KANK1: variants seen among roughly 807,000 people sequenced by gnomAD.
The protein encoded by KANK1 is KN motif and ankyrin repeat domains 1, also known as KN motif and ankyrin repeat domain-containing protein 1.
KANK1 carries 109 observed loss-of-function variants against 106.2 expected under a neutral mutation model. The observed-to-expected ratio is 1.03, with a 90% CI of 0.88 to 1.20. KANK1 has a LOEUF of 1.20. Ranked by LOEUF, KANK1 falls within the 50% of genes most tolerant of loss-of-function variation. The probability of loss-of-function intolerance (pLI) is 0.00; values close to 1 mark genes in which losing one functional copy is unlikely to be tolerated. For missense variants in KANK1, 2,399 were observed against 1,710.7 expected, an observed-to-expected ratio of 1.40 and a Z score of -7.10; for synonymous variants, 873 against 652.2, an observed-to-expected ratio of 1.34 and a Z score of -5.16.
chr9:562,367 T>G (rs982461053), intron 1 of KANK1, among the ~76,000 whole-genome samples: 1 of 152,164 alleles, frequency 6.6e-6, no homozygotes, highest in African/African-American at 2.4e-5. Context: ...AAATTGCATT[T>G]TCTACACCCT....
Position 734,842 on chromosome 9 carries a change from C to T in KANK1, c.3333+7C>T. On this transcript the variant is annotated splice_region_variant and intron_variant, in intron 7 of 11. Transcript: ENST00000382297. ...TTTGACCAGCAAAGATATGGTGAGT[C>T]TGACCTGCAAACACCATCCCCAGTG... 1 of 1,604,170 alleles carries T rather than the reference C, an allele frequency of 6.2e-7. No homozygotes were observed. The highest frequency in any genetic ancestry group is 1.1e-5 in the South Asian group (1 of 90,828).
intron 7 of KANK1, among the ~76,000 whole-genome samples, chr9:735,216 A>G (rs936207791): frequency 6.6e-6 from 1 of 152,130 alleles, no homozygotes; most frequent in Non-Finnish European, 1.5e-5. Flanking sequence ...AAGTTAGCAT[A>G]TGTTTTTAAA....
intron 1 of KANK1, among the ~76,000 whole-genome samples, chr9:623,964 T>TA (rs139514059): frequency 0.049 from 7,533 of 152,182 alleles, 199 homozygotes; most frequent in African/African-American, 0.059. Context: ...ATAGCAAAGA[T>TA]ATGGAAACAA....
At chr9:641,804 T>A (rs1440071327) in intron 1 of KANK1, among the ~76,000 whole-genome samples, 2 of 152,234 alleles carry the variant, frequency 1.3e-5, no homozygotes, top group Non-Finnish European at 2.9e-5. Context: ...TTTTGGTTTT[T>A]TAAGGACTAC....
Position 555,861 on chromosome 9 carries a change from G to A in KANK1, c.-84+51107G>A, listed in dbSNP as rs1438854274. Among the ~76,000 whole-genome samples the A allele has an allele frequency of 2.0e-5, 3 of 152,096 alleles. No individual in the cohort carries two copies. In the South Asian group the frequency reaches 6.2e-4, roughly 32 times the overall value. On this transcript the variant is annotated intron_variant, in intron 1 of 11. Coordinates refer to ENST00000382297, the MANE Select transcript of KANK1 (RefSeq NM_015158.5). ...TACCTTTAGTGGTGATAAAGATGCCGACAACCCCTTCTGTTTAAATAAAAA... is the reference window on the plus strand; with the variant it reads ...TACCTTTAGTGGTGATAAAGATGCCAACAACCCCTTCTGTTTAAATAAAAA...
chr9:603,549 G>A (rs1436279948), intron 1 of KANK1, among the ~76,000 whole-genome samples: 2 of 151,750 alleles, frequency 1.3e-5, no homozygotes, highest in Admixed American at 6.6e-5. Context: ...ACTCTTAACA[G>A]TTCCTTAACT....
chr9:538,694 G>C (rs183599031), intron 1 of KANK1, among the ~76,000 whole-genome samples: 24 of 152,320 alleles, frequency 1.6e-4, no homozygotes, highest in African/African-American at 4.3e-4. Context: ...GAAGGAGTCA[G>C]AGTTGGGGTG....
In KANK1 at chr9:730,267, A is replaced by G; in HGVS notation, c.2896+19A>G. On this transcript the variant is annotated intron_variant, in intron 4 of 11. Coordinates refer to ENST00000382297, the MANE Select transcript of KANK1 (RefSeq NM_015158.5). The stretch of plus-strand genomic sequence containing the variant: ...CTCTATGGTAACTTTTCTCACTCAC[A>G]GTCATTGGCATCAGGATTCTAGGGC... The G allele has an allele frequency of 1.2e-6, 2 of 1,612,424 alleles. No individual in the cohort carries two copies. Among genetic ancestry groups the G allele is most frequent in the Non-Finnish European group, 1.7e-6 (2 of 1,178,406 alleles).
At chr9:622,313 C>A (rs1243694475) in intron 1 of KANK1, among the ~76,000 whole-genome samples, 1 of 152,112 alleles carries the variant, frequency 6.6e-6, no homozygotes, top group Non-Finnish European at 1.5e-5. Context: ...GGGCACTGCT[C>A]TAGGTGTGGT....
intron 3 of KANK1, among the ~76,000 whole-genome samples, chr9:714,134 G>C (rs977485822): frequency 7.2e-5 from 11 of 152,028 alleles, no homozygotes; most frequent in African/African-American, 2.7e-4. Flanking sequence ...CAAGCTATAG[G>C]CTGTGAAGAT....
intron 1 of KANK1, among the ~76,000 whole-genome samples, chr9:524,051 T>C (rs2059671495): frequency 6.6e-6 from 1 of 151,714 alleles, no homozygotes; most frequent in South Asian, 2.1e-4. Flanking sequence ...TACTATGCTG[T>C]TCAGAACCCA....
chr9:542,354 A>G (rs2133865330), intron 1 of KANK1, among the ~76,000 whole-genome samples: 1 of 152,350 alleles, frequency 6.6e-6, no homozygotes, highest in South Asian at 2.1e-4. Context: ...ACAAAACCAC[A>G]GTGAGGTATC....
At chr9:480,710 TC>T (rs2058188386) in intron 3 of KANK1, among the ~76,000 whole-genome samples, 1 of 152,212 alleles carries the variant, frequency 6.6e-6, no homozygotes, top group African/African-American at 2.4e-5. Flanking sequence ...GCTCCCTGCC[TC>T]TGAAAGCATA....
chr9:529,993 T>C (rs1297694570), intron 1 of KANK1, among the ~76,000 whole-genome samples: 2 of 152,244 alleles, frequency 1.3e-5, no homozygotes, highest in African/African-American at 4.8e-5. Flanking sequence ...TAAAAAATGG[T>C]ATCTCATCTG....
At chr9:723,840 T>G (rs547093488) in intron 3 of KANK1, among the ~76,000 whole-genome samples, 69 of 150,072 alleles carry the variant, frequency 4.6e-4, no homozygotes, top group Non-Finnish European at 9.3e-4. Flanking sequence ...TGCCTGTAAT[T>G]CCAGTACTTT....
At chr9:617,107 A>G (rs1250275272) in intron 1 of KANK1, among the ~76,000 whole-genome samples, 2 of 152,126 alleles carry the variant, frequency 1.3e-5, no homozygotes, top group African/African-American at 4.8e-5. Context: ...TAGGTCAGTT[A>G]GGTCGATTTT....
intron 1 of KANK1, among the ~76,000 whole-genome samples, chr9:654,156 A>G (rs964835897): frequency 2.0e-5 from 3 of 152,204 alleles, no homozygotes; most frequent in African/African-American, 4.8e-5. Context: ...CAGTTAACAC[A>G]CTGATGACTG....
At chr9:663,671 A>T (rs1843891735) in intron 1 of KANK1, among the ~76,000 whole-genome samples, 1 of 152,178 alleles carries the variant, frequency 6.6e-6, no homozygotes. Flanking sequence ...TCTTGGAAAG[A>T]AACTCTGGAA....
At chr9:688,391 A>C (rs1819042310) in intron 2 of KANK1, among the ~76,000 whole-genome samples, 1 of 152,202 alleles carries the variant, frequency 6.6e-6, no homozygotes, top group South Asian at 2.1e-4. Context: ...AGATCAGTTG[A>C]AGTCAGGAGT....
Sources: allele counts gnomAD v4.1 joint callset (sites outside exome capture counted in the v4.1 genomes callset), GRCh38; gene constraint gnomAD v4.1.1; transcripts MANE v1.5; gene names NCBI Gene and HGNC (gene_info 2026-07-23, HGNC 2026-07-21).